ARID3B: variants seen among roughly 807,000 people sequenced by gnomAD.
ARID3B encodes the protein AT-rich interactive domain-containing protein 3B.
ARID3B carries 10 observed loss-of-function variants against 51.9 expected under a neutral mutation model. The ratio of observed to expected loss-of-function variants is 0.19; its 90% confidence interval spans 0.12 to 0.33. The LOEUF is 0.33. Ranked by LOEUF, ARID3B falls within the 10% of genes least tolerant of loss-of-function variation. ARID3B has a pLI of 1.00. For missense variants in ARID3B, 483 were observed against 716.3 expected (o/e 0.67, Z 3.72); for synonymous variants, 205 against 279.5 (o/e 0.73, Z 2.66).
chr15:74,581,989 C>T (rs1252171884), intron 4 of ARID3B, among the ~76,000 whole-genome samples: 1 of 152,136 alleles, frequency 6.6e-6, no homozygotes, highest in East Asian at 1.9e-4. Flanking sequence ...ACTCAGACAG[C>T]CGTGCACTGC....
intron 2 of ARID3B, among the ~76,000 whole-genome samples, chr15:74,570,626 A>G (rs754089898): frequency 3.4e-4 from 51 of 152,238 alleles, no homozygotes; most frequent in African/African-American, 7.7e-4. Flanking sequence ...AGAAGCGGCA[A>G]TGATCCCCCA....
At chr15:74,552,981 G>C (rs2061643650) in intron 2 of ARID3B, among the ~76,000 whole-genome samples, 1 of 152,198 alleles carries the variant, frequency 6.6e-6, no homozygotes, top group Non-Finnish European at 1.5e-5. Context: ...TGTGGTAAGA[G>C]TATTTTTAGC....
Position 74,597,747 on chromosome 15 carries a change from C to T in ARID3B, c.*1973C>T. ...AGGATGCAGGGAAAGCACACTGTGT[C>T]TTTCCGGTCATTGGATCCTCTCCCT... On this transcript the variant is annotated 3_prime_UTR_variant, in exon 9 of 9. Transcript: ENST00000346246. 1 of 463,804 alleles carries T rather than the reference C, an allele frequency of 2.2e-6. No individual in the cohort carries two copies. 28.7% of individuals were successfully genotyped at this position (463,804 alleles called of 1,614,324 possible).
At chr15:74,584,737 A>C (rs2061773991) in intron 4 of ARID3B, among the ~76,000 whole-genome samples, 1 of 152,202 alleles carries the variant, frequency 6.6e-6, no homozygotes, top group African/African-American at 2.4e-5. Context: ...AAGGAAAACA[A>C]AGTACCAGGG....
At chr15:74,560,392 A>G (rs568937448) in intron 2 of ARID3B, among the ~76,000 whole-genome samples, 1 of 152,188 alleles carries the variant, frequency 6.6e-6, no homozygotes, top group East Asian at 1.9e-4. Flanking sequence ...TGTAATTGTT[A>G]ACAGTTTGGT....
chr15:74,544,134 A>G lies in ARID3B; in HGVS notation c.198A>G (p.Leu66=), dbSNP rs150630579. ...TAGRPSGSTP[L]GPLARVPPTA... ...GGAGACCTTCTGGCAGCACTCCCTT[A>G]GGTCCCTTAGCCAGAGTTCCACCCA... Residue 66 remains leucine (L), a synonymous_variant, in exon 2 of 9, where the codon TTA becomes TTG. Transcript: ENST00000346246. The G allele has an allele frequency of 5.9e-3, 9,578 of 1,613,910 alleles. 37 individuals carry two copies. The highest frequency in any genetic ancestry group is 9.2e-3 in the Admixed American group (555 of 60,004).
In ARID3B at chr15:74,544,457, C is replaced by T. The variant is rs2061608019; in HGVS notation, c.521C>T (p.Pro174Leu). The change falls in exon 2 of 9, where the codon CCG becomes CTG. Residue 174 changes from proline (P) to leucine (L), a missense_variant. Physicochemically the swap from Pro to Leu is moderately conservative, Grantham distance 98. Around this residue, in one of 3 missense-constraint regions of ARID3B, gnomAD observed 182 missense variants for 244.5 expected, o/e 0.74. Coordinates refer to ENST00000346246, the MANE Select transcript of ARID3B (RefSeq NM_006465.4). ...CCTTCTGTCTCCACAGCAGGACAGC[C>T]GAACTGGAATCTGGATGAGCAGCTC... ...ASPSVSTAGQPNWNLDEQLKQ... is the reference protein window; with the variant it reads ...ASPSVSTAGQLNWNLDEQLKQ... 8 of 1,613,906 alleles carry T rather than the reference C, an allele frequency of 5.0e-6. No homozygotes were observed. Among genetic ancestry groups the T allele is most frequent in the East Asian group, 2.2e-5 (1 of 44,890 alleles).
chr15:74,563,678 G>A (rs1236565215), intron 2 of ARID3B, among the ~76,000 whole-genome samples: 2 of 152,144 alleles, frequency 1.3e-5, no homozygotes, highest in African/African-American at 2.4e-5. Context: ...AGTTCAGGTG[G>A]TAGCTCAAGG....
intron 4 of ARID3B, among the ~76,000 whole-genome samples, chr15:74,577,081 G>A (rs914536634): frequency 5.3e-5 from 8 of 152,218 alleles, no homozygotes; most frequent in African/African-American, 1.9e-4. Flanking sequence ...AGAGAGGAGA[G>A]ACTGAGGCAG....
rs778206808 is a variant in ARID3B at position 74,591,678 on chromosome 15, G to A, written c.1284G>A (p.Leu428=). ...TAALEQLRER[L]ESGEPAEKKA... is the part of the protein sequence containing the mutation. ...CACTGGAGCAGCTGCGGGAGCGGCT[G>A]GAGTCAGGGGAGCCTGCTGAGAAGA... Residue 428 remains leucine (L), a synonymous_variant, in exon 7 of 9, where the codon CTG becomes CTA. Coordinates refer to ENST00000346246, the MANE Select transcript of ARID3B (RefSeq NM_006465.4). This position sits in a 1 kb window ranked among gnomAD's most constrained non-coding sequence, Gnocchi z 5.8. 5 of 1,611,202 alleles carry A rather than the reference G, an allele frequency of 3.1e-6. No individual in the cohort carries two copies. Among genetic ancestry groups the A allele is most frequent in the East Asian group, 4.5e-5 (2 of 44,774 alleles).
chr15:74,564,735 G>A (rs1338760789), intron 2 of ARID3B, among the ~76,000 whole-genome samples: 1 of 152,062 alleles, frequency 6.6e-6, no homozygotes, highest in Non-Finnish European at 1.5e-5. Context: ...CAAGTAGCTT[G>A]GACTACAGGC....
chr15:74,578,185 T>TG (rs1270244036), intron 4 of ARID3B, among the ~76,000 whole-genome samples: 9 of 151,188 alleles, frequency 6.0e-5, no homozygotes, highest in Admixed American at 4.6e-4. Context: ...TTTTGTTTTT[T>TG]TTGTTTTAAG....
intron 2 of ARID3B, among the ~76,000 whole-genome samples, chr15:74,553,541 A>T (rs1468633131): frequency 6.6e-6 from 1 of 152,216 alleles, no homozygotes; most frequent in East Asian, 1.9e-4. Context: ...GGTTGTTAAA[A>T]GTATTTTTTG....
chr15:74,547,866 G>A (rs1387917761), intron 2 of ARID3B, among the ~76,000 whole-genome samples: 1 of 152,238 alleles, frequency 6.6e-6, no homozygotes, highest in African/African-American at 2.4e-5. Flanking sequence ...AGGGAGGACA[G>A]GCATCTGCTA....
chr15:74,570,462 C>CAAAAAAAAAAA (rs71137395), intron 2 of ARID3B, among the ~76,000 whole-genome samples: 11 of 64,610 alleles, frequency 1.7e-4, no homozygotes, highest in Non-Finnish European at 2.3e-4. Flanking sequence ...CTATAATTAG[C>CAAAAAAAAAAA]AAAAAAAAAA....
At chr15:74,570,403 C>T (rs1328459882) in intron 2 of ARID3B, among the ~76,000 whole-genome samples, 2 of 132,470 alleles carry the variant, frequency 1.5e-5, no homozygotes, top group East Asian at 4.3e-4. Context: ...TTCCACCCAA[C>T]TGAGTGTTAA....
intron 2 of ARID3B, among the ~76,000 whole-genome samples, chr15:74,558,612 A>G (rs1031494075): frequency 6.6e-6 from 1 of 152,206 alleles, no homozygotes; most frequent in East Asian, 1.9e-4. Flanking sequence ...GCTTTCAACA[A>G]GTATCAACAG....
intron 1 of ARID3B, among the ~76,000 whole-genome samples, chr15:74,542,589 T>A (rs1346476541): frequency 1.3e-5 from 2 of 152,260 alleles, no homozygotes; most frequent in African/African-American, 2.4e-5. Flanking sequence ...TGATTACTTC[T>A]CCGTGAATTT....
At chr15:74,565,721 C>G (rs8026923) in intron 2 of ARID3B, among the ~76,000 whole-genome samples, 36,398 of 151,006 alleles carry the variant, frequency 0.24, 5,784 homozygotes, top group East Asian at 0.55. Context: ...AGCATGGTCT[C>G]GTTGTTTTTT....
Sources: allele counts gnomAD v4.1 joint callset (sites outside exome capture counted in the v4.1 genomes callset), GRCh38; gene constraint gnomAD v4.1.1; regional missense constraint gnomAD v4.1.1; non-coding constraint Gnocchi (gnomAD v3.1); transcripts MANE v1.5; gene names NCBI Gene and HGNC (gene_info 2026-07-23, HGNC 2026-07-21).